ADK: variants seen among roughly 807,000 people sequenced by gnomAD.
ADK encodes adenosine kinase.
Under a neutral mutation model 44.7 loss-of-function variants are expected in ADK, and 24 were observed. The ratio of observed to expected loss-of-function variants is 0.54; its 90% confidence interval spans 0.39 to 0.76. ADK has a LOEUF of 0.76. Ranked by LOEUF, ADK falls within the 30% of genes least tolerant of loss-of-function variation. The pLI is 0.00. For synonymous variants in ADK, 128 were observed against 142.6 expected, an observed-to-expected ratio of 0.90 and a Z score of 0.73; for missense variants, 321 against 425.1, an observed-to-expected ratio of 0.76 and a Z score of 2.15.
At chr10:74,254,341 T>A (rs1845750878) in intron 3 of ADK, among the ~76,000 whole-genome samples, 1 of 152,242 alleles carries the variant, frequency 6.6e-6, no homozygotes, top group African/African-American at 2.4e-5. Context: ...TCACACCTAA[T>A]TTTGTATTCC....
chr10:74,554,119 T>C (rs1850147970), intron 7 of ADK, among the ~76,000 whole-genome samples: 2 of 152,196 alleles, frequency 1.3e-5, no homozygotes, highest in Admixed American at 1.3e-4. Context: ...TATACTCTGT[T>C]CTCATACTCT....
chr10:74,523,711 T>C (rs563216749), intron 6 of ADK, among the ~76,000 whole-genome samples: 1 of 152,328 alleles, frequency 6.6e-6, no homozygotes, highest in South Asian at 2.1e-4. Context: ...TCTGGAATTT[T>C]CCACTTTTAT....
chr10:74,616,389 A>T (rs568325476), intron 9 of ADK, among the ~76,000 whole-genome samples: 3 of 151,610 alleles, frequency 2.0e-5, no homozygotes, highest in Admixed American at 6.6e-5. Context: ...AGATTAATTT[A>T]TATATATATA....
intron 7 of ADK, among the ~76,000 whole-genome samples, chr10:74,576,016 A>T (rs1331244115): frequency 6.6e-6 from 1 of 152,194 alleles, no homozygotes; most frequent in Non-Finnish European, 1.5e-5. Flanking sequence ...AGGACACAGA[A>T]AGTGAGGCAG....
chr10:74,288,782 A>C (rs1400174979), intron 3 of ADK, among the ~76,000 whole-genome samples: 1 of 152,204 alleles, frequency 6.6e-6, no homozygotes, highest in Non-Finnish European at 1.5e-5. Context: ...GTATCTCTTT[A>C]TGTACCTCTG....
At chr10:74,342,779 T>TTGTGTGTGTG (rs757212421) in intron 4 of ADK, among the ~76,000 whole-genome samples, 5,171 of 141,378 alleles carry the variant, frequency 0.037, 361 homozygotes, top group African/African-American at 0.13. Flanking sequence ...CTAGCTCAGT[T>TTGTGTGTGTG]TGTGTGTGTG....
intron 3 of ADK, among the ~76,000 whole-genome samples, chr10:74,229,559 G>A (rs1358648422): frequency 1.3e-5 from 2 of 150,880 alleles, no homozygotes; most frequent in Non-Finnish European, 2.9e-5. Context: ...CACCACGCCC[G>A]GCTAATTTTT....
chr10:74,273,709 C>T (rs570924993), intron 3 of ADK, among the ~76,000 whole-genome samples: 10 of 152,236 alleles, frequency 6.6e-5, no homozygotes, highest in South Asian at 2.1e-4. Flanking sequence ...CCACCCGCCT[C>T]GGCCTCCCAA....
In ADK at chr10:74,266,267, A is replaced by T. The variant is rs1022957651; in HGVS notation, c.194+41676A>T. On this transcript the variant is annotated intron_variant, in intron 3 of 10. Coordinates refer to ENST00000539909, the MANE Select transcript of ADK (RefSeq NM_006721.4). ...GGCTCAGTAACCTCAGAATAGAAAG[A>T]TCGAAAGGCGGCCGGGCACAGTGGC... Among the ~76,000 whole-genome samples, 3 of 151,984 alleles carry T rather than the reference A, an allele frequency of 2.0e-5. No homozygotes were observed. The South Asian group carries it at 6.2e-4, about 31-fold the overall frequency.
intron 6 of ADK, among the ~76,000 whole-genome samples, chr10:74,477,541 C>T (rs890026877): frequency 5.9e-5 from 9 of 152,190 alleles, no homozygotes; most frequent in African/African-American, 9.6e-5. Flanking sequence ...TATTCTTTTT[C>T]GGGGAATTCT....
chr10:74,322,575 T>C (rs1278426289), intron 4 of ADK, among the ~76,000 whole-genome samples: 1 of 152,228 alleles, frequency 6.6e-6, no homozygotes, highest in Non-Finnish European at 1.5e-5. Flanking sequence ...ATAGCTAAAA[T>C]AAGATGAAGG....
chr10:74,153,353 T>C (rs1300929544), intron 1 of ADK, among the ~76,000 whole-genome samples: 2 of 152,196 alleles, frequency 1.3e-5, no homozygotes, highest in East Asian at 3.8e-4. Context: ...CTAAACATGC[T>C]ACATAGGACA....
intron 9 of ADK, among the ~76,000 whole-genome samples, chr10:74,609,576 T>C (rs552524342): frequency 6.6e-6 from 1 of 152,222 alleles, no homozygotes; most frequent in African/African-American, 2.4e-5. Context: ...ACCCACTGTC[T>C]AATCAGTCCC....
chr10:74,246,665 G>C (rs1010936461), intron 3 of ADK, among the ~76,000 whole-genome samples: 2 of 152,200 alleles, frequency 1.3e-5, no homozygotes, highest in East Asian at 3.8e-4. Flanking sequence ...GCTGTTATCT[G>C]TCTCTCCTGA....
chr10:74,688,858 A>G (rs1430456534), intron 10 of ADK, among the ~76,000 whole-genome samples: 2 of 152,146 alleles, frequency 1.3e-5, no homozygotes, highest in East Asian at 3.8e-4. Context: ...CAAGGAAACA[A>G]TGAGCCATAA....
chr10:74,588,270 T>G (rs1851596016), intron 7 of ADK, among the ~76,000 whole-genome samples: 1 of 152,198 alleles, frequency 6.6e-6, no homozygotes, highest in Non-Finnish European at 1.5e-5. Context: ...TGATAATTCC[T>G]AATATTACCT....
At chr10:74,358,220 G>T (rs1842209180) in intron 4 of ADK, among the ~76,000 whole-genome samples, 1 of 152,066 alleles carries the variant, frequency 6.6e-6, no homozygotes. Flanking sequence ...AAATATTTAT[G>T]TCAAGTGACA....
At chr10:74,460,095 A>C (rs974406210) in intron 6 of ADK, among the ~76,000 whole-genome samples, 1 of 152,164 alleles carries the variant, frequency 6.6e-6, no homozygotes, top group African/African-American at 2.4e-5. Flanking sequence ...TGGCTATCCA[A>C]CTGTTTCTCG....
At chr10:74,557,447 T>G (rs1209950968) in intron 7 of ADK, among the ~76,000 whole-genome samples, 1 of 152,240 alleles carries the variant, frequency 6.6e-6, no homozygotes, top group Non-Finnish European at 1.5e-5. Flanking sequence ...TTGAATGTTA[T>G]TTCTTTTTTC....
Sources: gnomAD v4.1 joint callset for allele counts (sites outside exome capture counted in the v4.1 genomes callset) on GRCh38, gnomAD v4.1.1 for gene constraint, MANE v1.5 for transcripts, NCBI Gene and HGNC (gene_info 2026-07-23, HGNC 2026-07-21) for gene names.